ATP13A5: variants seen among roughly 807,000 people sequenced by gnomAD.
The protein encoded by ATP13A5 is probable cation-transporting ATPase 13A5.
Under a neutral mutation model 150.2 loss-of-function variants are expected in ATP13A5, and 149 were observed. That is an observed-to-expected ratio of 0.99 (90% confidence interval 0.87 to 1.14). The LOEUF is 1.14. ATP13A5 is among the 50% of genes most tolerant of loss of function. The probability of loss-of-function intolerance (pLI) is 0.00; values close to 1 mark genes in which losing one functional copy is unlikely to be tolerated. For missense variants in ATP13A5, 1,383 were observed against 1,449.3 expected, an observed-to-expected ratio of 0.95 and a Z score of 0.74; for synonymous variants, 497 against 522.2, an observed-to-expected ratio of 0.95 and a Z score of 0.66.
intron 26 of ATP13A5, among the ~76,000 whole-genome samples, chr3:193,286,645 G>T (rs1365055885): frequency 6.6e-6 from 1 of 152,098 alleles, no homozygotes; most frequent in African/African-American, 2.4e-5. Context: ...TCACTGACTG[G>T]CTGTTTCCGC....
Position 193,305,656 on chromosome 3 carries a change from C to T in ATP13A5, c.2581G>A (p.Ala861Thr). The T allele has an allele frequency of 1.2e-6, 2 of 1,613,850 alleles. No individual in the cohort carries two copies. The highest frequency in any genetic ancestry group is 2.2e-5 in the South Asian group (2 of 91,076). ...TCTGATAATGAAATGCCTGCATGAG[C>T]CGCTTTCAAAGCCTGGAATGATAAG... ...GANDCGALKA[A>T]HAGISLSEQE... Residue 861 changes from alanine to threonine, a missense_variant, in exon 23 of 30, where the codon GCT (alanine) becomes ACT (threonine). Coordinates refer to ENST00000342358, the MANE Select transcript of ATP13A5 (RefSeq NM_198505.4).
In ATP13A5 at chr3:193,275,313, A is replaced by G. The variant is rs1259897929; in HGVS notation, c.3397-11T>C. On this transcript the variant is annotated splice_polypyrimidine_tract_variant and intron_variant, in intron 29 of 29. Coordinates refer to ENST00000342358, the MANE Select transcript of ATP13A5 (RefSeq NM_198505.4). ...TTGAAGGATGGAATCCTGAAAAATC[A>G]GATGGGAAAACAATCAATTTATTGC... 21 of 1,611,016 alleles carry G rather than the reference A, an allele frequency of 1.3e-5. No homozygotes were observed. The highest frequency in any genetic ancestry group is 1.8e-5 in the Non-Finnish European group (21 of 1,179,430).
At chr3:193,342,323 C>A (rs926741031) in intron 9 of ATP13A5, among the ~76,000 whole-genome samples, 1 of 152,164 alleles carries the variant, frequency 6.6e-6, no homozygotes, top group African/African-American at 2.4e-5. Flanking sequence ...GGAATCTTAC[C>A]TTAATCCTCT....
intron 9 of ATP13A5, among the ~76,000 whole-genome samples, chr3:193,339,213 G>T (rs1405239901): frequency 6.6e-6 from 1 of 151,854 alleles, no homozygotes; most frequent in East Asian, 1.9e-4. Flanking sequence ...TTTTTTAAGG[G>T]TTTTTTGTGT....
Position 193,275,142 on chromosome 3 carries a change from A to G in ATP13A5, c.3557T>C (p.Phe1186Ser), listed in dbSNP as rs755279570. 3 of 1,614,150 alleles carry G rather than the reference A, an allele frequency of 1.9e-6. No homozygotes were observed. The highest frequency in any genetic ancestry group is 1.6e-4 in the Middle Eastern group (1 of 6,062). ...GCTTTCATAGCCTCCGTTGATGTAG[A>G]ATCCATTTTTGCCATCACCTGAATA... is the stretch of plus-strand genomic sequence containing the variant. Reference protein sequence around the residue: ...TDYSGDGKNGFYINGGYESHE... With the variant: ...TDYSGDGKNGSYINGGYESHE... Residue 1186 changes from phenylalanine (F) to serine (S), a missense_variant, in exon 30 of 30, where the codon TTC (phenylalanine) becomes TCC (serine). Physicochemically the swap from Phe to Ser is radical, Grantham distance 155. Coordinates refer to ENST00000342358, the MANE Select transcript of ATP13A5 (RefSeq NM_198505.4).
intron 5 of ATP13A5, 85 bp downstream of exon 5, chr3:193,362,296 T>C: frequency 8.5e-7 from 1 of 1,178,140 alleles, no homozygotes; most frequent in Non-Finnish European, 1.3e-6. Context: ...TGAAGCATTA[T>C]GCCAACAATG....
In ATP13A5 at chr3:193,343,301, T is replaced by C. The variant is rs574160759; in HGVS notation, c.943+626A>G. 4.6e-5 allele frequency among the ~76,000 whole-genome samples: 7 copies of C among 152,306 alleles called. No homozygotes were observed. The East Asian group carries it at 1.4e-3, about 29-fold the overall frequency. ...TATTTTATAAGTAGTATCTTACTAA[T>C]TAAACAAATTCAAGTAGACTTAACA... On this transcript the variant is annotated intron_variant, in intron 9 of 29. Coordinates refer to ENST00000342358, the MANE Select transcript of ATP13A5 (RefSeq NM_198505.4).
At chr3:193,295,315 T>C (rs1560118310) in intron 25 of ATP13A5, among the ~76,000 whole-genome samples, 2 of 152,096 alleles carry the variant, frequency 1.3e-5, no homozygotes, top group Admixed American at 6.6e-5. Flanking sequence ...GCAAAAGATA[T>C]TTGAAACTTA....
chr3:193,322,343 A>G, intron 15 of ATP13A5, 148 bp downstream of exon 15: 2 of 689,550 alleles, frequency 2.9e-6, no homozygotes, highest in South Asian at 3.7e-5. Context: ...ATTAATAGAC[A>G]AATTCGGAAA....
intron 23 of ATP13A5, among the ~76,000 whole-genome samples, chr3:193,304,630 G>C (rs1426519949): frequency 1.3e-5 from 2 of 152,202 alleles, no homozygotes; most frequent in Middle Eastern, 3.4e-3. Context: ...CATAAAACTG[G>C]GTGTTTTGTT....
intron 26 of ATP13A5, among the ~76,000 whole-genome samples, chr3:193,288,656 A>G (rs142005188): frequency 7.8e-4 from 118 of 152,250 alleles, no homozygotes; most frequent in Middle Eastern, 3.4e-3. Flanking sequence ...TTATTGCAAT[A>G]TTCACTTTAT....
chr3:193,292,876 T>C (rs921221823), intron 25 of ATP13A5, among the ~76,000 whole-genome samples: 2 of 152,102 alleles, frequency 1.3e-5, no homozygotes, highest in African/African-American at 2.4e-5. Flanking sequence ...TCTGACTTTT[T>C]CCATGTTAGA....
intron 25 of ATP13A5, among the ~76,000 whole-genome samples, chr3:193,298,418 A>C (rs1718259844): frequency 6.6e-6 from 1 of 152,144 alleles, no homozygotes; most frequent in South Asian, 2.1e-4. Flanking sequence ...TTGATACATA[A>C]AACATATCAG....
At chr3:193,296,151 T>C (rs2108834638) in intron 25 of ATP13A5, among the ~76,000 whole-genome samples, 1 of 152,070 alleles carries the variant, frequency 6.6e-6, no homozygotes, top group Middle Eastern at 3.4e-3. Context: ...GGCCCAGTAG[T>C]AGAAAAGGGC....
intron 19 of ATP13A5, chr3:193,313,787 A>G: frequency 2.4e-6 from 1 of 421,076 alleles, no homozygotes; most frequent in South Asian, 5.2e-5. Flanking sequence ...AAAGCACCTG[A>G]TGCCAGTTCC....
chr3:193,312,062 T>TGTGTA, intron 19 of ATP13A5, 121 bp from the exon 20 acceptor site: 1 of 1,285,800 alleles, frequency 7.8e-7, no homozygotes, highest in Non-Finnish European at 1.1e-6. Flanking sequence ...AACAAAATAA[T>TGTGTA]GTGTAATTTG....
chr3:193,360,633 A>G (rs1375133868), intron 5 of ATP13A5, among the ~76,000 whole-genome samples: 3 of 152,186 alleles, frequency 2.0e-5, no homozygotes, highest in African/African-American at 7.2e-5. Flanking sequence ...TTGGAAAATG[A>G]TACTCTTTGT....
At chr3:193,329,043 A>G (rs1001933618) in intron 12 of ATP13A5, among the ~76,000 whole-genome samples, 1 of 152,014 alleles carries the variant, frequency 6.6e-6, no homozygotes. Context: ...TCAAGCGATC[A>G]AGACCATCCT....
chr3:193,311,751 C>T (rs868055904), intron 20 of ATP13A5, 65 bp downstream of exon 20: 2 of 1,588,260 alleles, frequency 1.3e-6, no homozygotes, highest in Middle Eastern at 3.6e-4. Flanking sequence ...TTTCAATACT[C>T]TCCTCCTCCT....
Sources: allele counts gnomAD v4.1 joint callset (sites outside exome capture counted in the v4.1 genomes callset), GRCh38; gene constraint gnomAD v4.1.1; transcripts MANE v1.5; gene names NCBI Gene and HGNC (gene_info 2026-07-23, HGNC 2026-07-21).